MGAT4A: variants seen among roughly 807,000 people sequenced by gnomAD.
MGAT4A encodes alpha-1,3-mannosyl-glycoprotein 4-beta-N-acetylglucosaminyltransferase A, also known as N-acetylglucosaminyltransferase IVa.
Under a neutral mutation model 74.1 loss-of-function variants are expected in MGAT4A, and 33 were observed. The observed-to-expected ratio is 0.45, with a 90% CI of 0.34 to 0.60. The LOEUF is 0.60. Among genes scored for constraint, MGAT4A ranks in the 20% least tolerant of loss-of-function variants. MGAT4A has a pLI of 0.02. For missense variants in MGAT4A, 479 were observed against 628.3 expected (o/e 0.76, Z 2.54); for synonymous variants, 198 against 210.4 (o/e 0.94, Z 0.51).
intron 5 of MGAT4A, 55 bp from the exon 6 acceptor site, chr2:98,658,319 GT>G (rs1427194344): frequency 1.0e-6 from 1 of 964,180 alleles, no homozygotes; most frequent in Non-Finnish European, 1.6e-6. Context: ...TTATTTAACT[GT>G]TAATACTGAA....
At chr2:98,678,888 T>A (rs531546087) in intron 2 of MGAT4A, among the ~76,000 whole-genome samples, 2 of 152,290 alleles carry the variant, frequency 1.3e-5, no homozygotes, top group East Asian at 3.9e-4. Flanking sequence ...GTAATTTATA[T>A]AATAATATAA....
At chr2:98,678,233 G>GACA (rs1175988776) in intron 3 of MGAT4A, 71 bp downstream of exon 3, 1 of 176,014 alleles carries the variant, frequency 5.7e-6, no homozygotes, top group African/African-American at 3.4e-5. Context: ...CTGTCTCAAA[G>GACA]AAAAAAAAAA....
rs780418370 is a variant in MGAT4A at position 98,644,025 on chromosome 2, A to T, written c.918T>A (p.Thr306=). 15 of 1,600,186 alleles carry T rather than the reference A, an allele frequency of 9.4e-6. No homozygotes were observed. Among genetic ancestry groups the T allele is most frequent in the Non-Finnish European group, 1.3e-5 (15 of 1,170,116 alleles). The change falls in exon 10 of 16, where the codon ACT becomes ACA. Residue 306 remains threonine, a synonymous_variant. Coordinates refer to ENST00000393487, the MANE Select transcript of MGAT4A (RefSeq NM_012214.3). ...IGKMFQAPDL[T]LIVEFIFMFY... ...ACATGAATATGAATTCTACAATCAGAGTAAGATCCGGCGCTTGAAACATTT... is the reference window on the plus strand; with the variant it reads ...ACATGAATATGAATTCTACAATCAGTGTAAGATCCGGCGCTTGAAACATTT...
chr2:98,639,972 A>T lies in MGAT4A; in HGVS notation c.1158T>A (p.Leu386=). The T allele has an allele frequency of 6.2e-7, 1 of 1,613,740 alleles. No homozygotes were observed. The change falls in exon 12 of 16, where the codon CTT becomes CTA. Residue 386 remains leucine (L), a synonymous_variant. Transcript: ENST00000393487. Reference sequence around the variant, plus strand: ...CCGCAGGTGGGTTTACATGGATTTTAAGAAGTAATGGTTTCATATAATCTT... The same window carrying T: ...CCGCAGGTGGGTTTACATGGATTTTTAGAAGTAATGGTTTCATATAATCTT... ...TDKDYMKPLL[L]KIHVNPPAEV... is the part of the protein sequence containing the mutation.
intron 2 of MGAT4A, among the ~76,000 whole-genome samples, chr2:98,701,187 T>C (rs1006131916): frequency 6.6e-6 from 1 of 152,216 alleles, no homozygotes; most frequent in African/African-American, 2.4e-5. Flanking sequence ...AAAGAAAATA[T>C]ACCAAAAATG....
chr2:98,715,757 G>C (rs1242889589), intron 2 of MGAT4A, among the ~76,000 whole-genome samples: 7 of 152,154 alleles, frequency 4.6e-5, no homozygotes. Context: ...CTATGCAACA[G>C]ATCTGCACTT....
At chr2:98,669,798 G>C (rs1701888448) in intron 4 of MGAT4A, among the ~76,000 whole-genome samples, 2 of 152,110 alleles carry the variant, frequency 1.3e-5, no homozygotes, top group African/African-American at 2.4e-5. Context: ...TGGGGCAAAG[G>C]GGATATAATT....
rs914552898 is a variant in MGAT4A at position 98,693,452 on chromosome 2, G to T, written c.95-14981C>A. ...TTATGTTTGATGGTTGAGGCAAAAA[G>T]GTAACATTGTCTGATGTGGTTCTCA... On this transcript the variant is annotated intron_variant, in intron 2 of 15. Coordinates refer to ENST00000393487, the MANE Select transcript of MGAT4A (RefSeq NM_012214.3). Among the ~76,000 whole-genome samples, 9 of 152,162 alleles carry T rather than the reference G, an allele frequency of 5.9e-5. No homozygotes were observed. The East Asian group carries it at 1.7e-3, about 29-fold the overall frequency.
rs142165812 is a variant in MGAT4A, at chr2:98,636,521, A to G, written c.1397T>C (p.Phe466Ser). 600 of 1,612,744 alleles carry G rather than the reference A, an allele frequency of 3.7e-4. 1 individual carries two copies. The African/African-American group carries it at 7.1e-3, about 19-fold the overall frequency. Residue 466 changes from phenylalanine (F) to serine (S), a missense_variant, in exon 13 of 16, where the codon TTT becomes TCT. By Grantham distance (155) the Phe-to-Ser change is radical. This residue lies in a region of MGAT4A where 236 missense variants were observed against 308.2 expected (regional missense o/e 0.77). Coordinates refer to ENST00000393487, the MANE Select transcript of MGAT4A (RefSeq NM_012214.3). ...AAGAGGAAATAGCAGTCATACCTTA[A>G]AAGGCAAAACTTCCACAGTTGTGTT... ...LLNTTVEVLP[F>S]KSEGLEISKE...
intron 8 of MGAT4A, among the ~76,000 whole-genome samples, chr2:98,649,861 C>T (rs1354016116): frequency 6.6e-6 from 1 of 151,900 alleles, no homozygotes; most frequent in African/African-American, 2.4e-5. Flanking sequence ...ATCCCAACAA[C>T]AAAAAACAAG....
Position 98,671,679 on chromosome 2 carries a change from G to A in MGAT4A, c.403+3356C>T, listed in dbSNP as rs561799369. ...ATAGTCGCCCAAAGATGTCCATGCC[G>A]TAATTCCTGGAGCCTCTGAATATGT... On this transcript the variant is annotated intron_variant, in intron 4 of 15. Transcript: ENST00000393487. Among the ~76,000 whole-genome samples, 8 of 152,122 alleles carry A rather than the reference G, an allele frequency of 5.3e-5. No individual in the cohort carries two copies. In the South Asian group the frequency reaches 8.3e-4, roughly 16 times the overall value.
At chr2:98,685,842 T>C (rs1702121558) in intron 2 of MGAT4A, among the ~76,000 whole-genome samples, 4 of 152,104 alleles carry the variant, frequency 2.6e-5, no homozygotes, top group African/African-American at 7.2e-5. Flanking sequence ...AGCTCCCAGG[T>C]GATGCTGATG....
At chr2:98,630,174 G>T (rs1161931389) in intron 14 of MGAT4A, among the ~76,000 whole-genome samples, 1 of 152,204 alleles carries the variant, frequency 6.6e-6, no homozygotes, top group Non-Finnish European at 1.5e-5. Flanking sequence ...AAGCAGCCAT[G>T]TTTATTACAG....
chr2:98,633,523 G>C (rs1246561936), intron 14 of MGAT4A, among the ~76,000 whole-genome samples: 1 of 152,128 alleles, frequency 6.6e-6, no homozygotes, highest in Non-Finnish European at 1.5e-5. Context: ...CTAACGAGAG[G>C]GTCAAGGAAG....
At chr2:98,692,156 C>G (rs966134158) in intron 2 of MGAT4A, among the ~76,000 whole-genome samples, 2 of 152,016 alleles carry the variant, frequency 1.3e-5, no homozygotes, top group Non-Finnish European at 2.9e-5. Flanking sequence ...GTGCAGTGGC[C>G]TGATCAAGGC....
At chr2:98,717,378 CA>C (rs35974409) in intron 2 of MGAT4A, among the ~76,000 whole-genome samples, 1,712 of 92,734 alleles carry the variant, frequency 0.018, 43 homozygotes, top group Admixed American at 0.11. Context: ...GACTCCATCT[CA>C]AAAAAAAAAA....
chr2:98,688,309 T>G (rs1422692427), intron 2 of MGAT4A, among the ~76,000 whole-genome samples: 1 of 152,090 alleles, frequency 6.6e-6, no homozygotes, highest in African/African-American at 2.4e-5. Context: ...CTCAGACTGT[T>G]TTATAAATCT....
At chr2:98,655,597 CA>C in intron 7 of MGAT4A, 77 bp from the exon 8 acceptor site, 1 of 872,642 alleles carries the variant, frequency 1.1e-6, no homozygotes, top group Non-Finnish European at 1.8e-6. Flanking sequence ...GTATAAATGT[CA>C]AATGTCTACA....
At chr2:98,653,291 G>A (rs1701609102) in intron 8 of MGAT4A, among the ~76,000 whole-genome samples, 2 of 131,728 alleles carry the variant, frequency 1.5e-5, no homozygotes, top group African/African-American at 2.8e-5. Context: ...CCCAAAATTA[G>A]CAGAAGGGAG....
Sources: allele counts gnomAD v4.1 joint callset (sites outside exome capture counted in the v4.1 genomes callset), GRCh38; gene constraint gnomAD v4.1.1; regional missense constraint gnomAD v4.1.1; transcripts MANE v1.5; gene names NCBI Gene and HGNC (gene_info 2026-07-23, HGNC 2026-07-21).